Variants in ZFHX3 observed in about 807,000 individuals in gnomAD.
ZFHX3 encodes zinc finger homeobox 3.
A neutral mutation model predicts 279.1 loss-of-function variants in ZFHX3; 42 were observed. The ratio of observed to expected loss-of-function variants is 0.15; its 90% confidence interval spans 0.12 to 0.19. ZFHX3 has a LOEUF of 0.19. Ranked by LOEUF, ZFHX3 falls within the 10% of genes least tolerant of loss-of-function variation. The probability of loss-of-function intolerance (pLI) is 1.00; values close to 1 mark genes in which losing one functional copy is unlikely to be tolerated. For missense variants in ZFHX3, 4,981 were observed against 4,754.0 expected (o/e 1.05, Z -1.40); for synonymous variants, 2,293 against 1,957.8 (o/e 1.17, Z -4.52).
At chr16:73,097,260 G>C (rs1966177371) in intron 7 of ZFHX3, among the ~76,000 whole-genome samples, 1 of 138,774 alleles carries the variant, frequency 7.2e-6, no homozygotes, top group Non-Finnish European at 1.5e-5. Context: ...GTAGAGACAG[G>C]ACTTGCTCTG....
At chr16:73,477,180 T>C (rs2018779636) in intron 2 of ZFHX3, among the ~76,000 whole-genome samples, 1 of 152,236 alleles carries the variant, frequency 6.6e-6, no homozygotes, top group Non-Finnish European at 1.5e-5. Flanking sequence ...AATTCATCTA[T>C]AGGAAAGTCT....
rs200826648 is a variant in ZFHX3 at position 73,247,683 on chromosome 16, G to A, written c.-1104+9364C>T. Among the ~76,000 whole-genome samples the A allele has an allele frequency of 3.8e-4, 57 of 151,012 alleles. No individual in the cohort carries two copies. The East Asian group carries it at 0.01, about 28-fold the overall frequency. The stretch of plus-strand genomic sequence containing the variant: ...TCTGTGTGTCTATGTGCCTGTATGC[G>A]GAGTATACGTGTGTGTGTATACTAT... On this transcript the variant is annotated intron_variant, in intron 5 of 17. Transcript: ENST00000641206.
At chr16:73,445,314 G>GTGTA (rs781286972) in intron 3 of ZFHX3, among the ~76,000 whole-genome samples, 1 of 151,318 alleles carries the variant, frequency 6.6e-6, no homozygotes, top group African/African-American at 2.4e-5. Context: ...GTGTGTGTGT[G>GTGTA]TATATGTATG....
intron 7 of ZFHX3, among the ~76,000 whole-genome samples, chr16:72,803,081 C>T (rs1458778875): frequency 6.6e-6 from 1 of 152,172 alleles, no homozygotes; most frequent in Admixed American, 6.5e-5. Context: ...CCTGTAATCC[C>T]AGCACTTTGG....
At chr16:73,516,412 C>T (rs2019522999) in intron 2 of ZFHX3, among the ~76,000 whole-genome samples, 1 of 152,136 alleles carries the variant, frequency 6.6e-6, no homozygotes, top group African/African-American at 2.4e-5. Context: ...AAAATATATT[C>T]AAGTACCCAA....
chr16:73,511,337 C>T (rs937065541), intron 2 of ZFHX3, among the ~76,000 whole-genome samples: 6 of 152,178 alleles, frequency 3.9e-5, no homozygotes, highest in Non-Finnish European at 7.3e-5. Context: ...ATCACTTCCC[C>T]TATCAGTCCC....
chr16:73,295,550 A>T (rs1724239217), intron 4 of ZFHX3, among the ~76,000 whole-genome samples: 1 of 152,230 alleles, frequency 6.6e-6, no homozygotes, highest in Admixed American at 6.5e-5. Context: ...TTGCATGCGC[A>T]ATCTGCAGAA....
At chr16:73,436,615 G>A (rs927586435) in intron 3 of ZFHX3, among the ~76,000 whole-genome samples, 7 of 152,104 alleles carry the variant, frequency 4.6e-5, no homozygotes, top group African/African-American at 1.2e-4. Context: ...CAGCCAAACC[G>A]TATCAGCTAC....
At chr16:72,844,684 A>G (rs550778108) in intron 4 of ZFHX3, among the ~76,000 whole-genome samples, 1 of 152,264 alleles carries the variant, frequency 6.6e-6, no homozygotes, top group South Asian at 2.1e-4. Context: ...CCGCAGCAGG[A>G]CATTGGCTTA....
At chr16:73,822,037 C>A (rs1233886609) in intron 1 of ZFHX3, among the ~76,000 whole-genome samples, 1 of 152,152 alleles carries the variant, frequency 6.6e-6, no homozygotes, top group Non-Finnish European at 1.5e-5. Context: ...TCCCAAAGGA[C>A]CCCATTCCTG....
intron 1 of ZFHX3, among the ~76,000 whole-genome samples, chr16:73,706,918 T>C (rs1321214378): frequency 6.6e-6 from 1 of 152,188 alleles, no homozygotes; most frequent in African/African-American, 2.4e-5. Flanking sequence ...ACTTTAACGA[T>C]TTCTTTCTCC....
At position 72,797,645 on chromosome 16, in the gene ZFHX3, T is replaced by C; in HGVS notation, c.5037A>G (p.Leu1679=). Residue 1679 remains leucine, a synonymous_variant, in exon 9 of 10, where the codon TTA becomes TTG. Coordinates refer to ENST00000268489, the MANE Select transcript of ZFHX3 (RefSeq NM_006885.4). ...CACTCTCAGTGGGCACTTGGCTTAG[T>C]AAGTTAGAGCTTGGAGCAATGCCAG... ...SSAGIAPSSN[L]LSQVPTESVG... 5 of 1,614,192 alleles carry C rather than the reference T, an allele frequency of 3.1e-6. No homozygotes were observed. The highest frequency in any genetic ancestry group is 4.2e-6 in the Non-Finnish European group (5 of 1,180,030).
chr16:73,046,540 T>C (rs1965310241), intron 1 of ZFHX3, among the ~76,000 whole-genome samples: 1 of 152,010 alleles, frequency 6.6e-6, no homozygotes, highest in African/African-American at 2.4e-5. Context: ...TAACTGAACG[T>C]GAAGATTTGA....
chr16:73,816,823 G>A (rs1345422618), intron 1 of ZFHX3, among the ~76,000 whole-genome samples: 2 of 152,224 alleles, frequency 1.3e-5, no homozygotes, highest in Non-Finnish European at 2.9e-5. Flanking sequence ...CCAGAGAGTT[G>A]TGGGCATTCA....
chr16:73,293,068 G>T (rs1271360632), intron 4 of ZFHX3, among the ~76,000 whole-genome samples: 1 of 152,128 alleles, frequency 6.6e-6, no homozygotes, highest in Non-Finnish European at 1.5e-5. Flanking sequence ...CTTGTCTAAA[G>T]GTAGAACCAC....
At chr16:73,473,366 A>AC (rs2018708760) in intron 2 of ZFHX3, among the ~76,000 whole-genome samples, 16 of 11,122 alleles carry the variant, frequency 1.4e-3, no homozygotes, top group Admixed American at 0.012. Flanking sequence ...AACAAAAAAA[A>AC]AAAAAACAAA....
At chr16:73,265,433 C>T (rs547953411) in intron 4 of ZFHX3, among the ~76,000 whole-genome samples, 5 of 152,212 alleles carry the variant, frequency 3.3e-5, no homozygotes, top group African/African-American at 4.8e-5. Flanking sequence ...GGATACAGTT[C>T]TCAGAATTCC....
At chr16:73,886,761 G>A (rs1298381817) in intron 1 of ZFHX3, among the ~76,000 whole-genome samples, 1 of 152,188 alleles carries the variant, frequency 6.6e-6, no homozygotes, top group African/African-American at 2.4e-5. Context: ...TCAGGGAGAT[G>A]TATGGGGAGA....
chr16:73,515,788 C>A (rs930586190), intron 2 of ZFHX3, among the ~76,000 whole-genome samples: 5 of 152,100 alleles, frequency 3.3e-5, no homozygotes, highest in African/African-American at 1.2e-4. Context: ...TTCTTGGAGC[C>A]GTATCTATAT....
Sources: gnomAD v4.1 joint callset for allele counts (sites outside exome capture counted in the v4.1 genomes callset) on GRCh38, gnomAD v4.1.1 for gene constraint, MANE v1.5 for transcripts, NCBI Gene and HGNC (gene_info 2026-07-23, HGNC 2026-07-21) for gene names.